TMEM151A: variants seen among roughly 807,000 people sequenced by gnomAD.
TMEM151A encodes the protein transmembrane protein 151A.
In TMEM151A, 21 loss-of-function variants were observed where a neutral mutation model predicts 33.7. That is an observed-to-expected ratio of 0.62 (90% confidence interval 0.44 to 0.90). The LOEUF (loss-of-function observed/expected upper bound fraction) is 0.90. Ranked by LOEUF, TMEM151A falls within the 40% of genes least tolerant of loss-of-function variation. The probability of loss-of-function intolerance (pLI) is 0.00; values close to 1 mark genes in which losing one functional copy is unlikely to be tolerated. For synonymous variants in TMEM151A, 374 were observed against 330.3 expected (o/e 1.13, Z -1.43); for missense variants, 704 against 697.7 (o/e 1.01, Z -0.10).
chr11:66,294,261 G>C, intron 1 of TMEM151A, 61 bp from the exon 2 acceptor site: 1 of 1,581,366 alleles, frequency 6.3e-7, no homozygotes, highest in African/African-American at 1.3e-5. Context: ...GTTAAGCAAA[G>C]TGGCAGGCCC....
Position 66,294,536 on chromosome 11 carries a change from G to A in TMEM151A, c.290G>A (p.Gly97Asp). Residue 97 changes from glycine (G) to aspartate (D), a missense_variant, in exon 2 of 2, where the codon GGC becomes GAC. By Grantham distance (94) the Gly-to-Asp change is moderately conservative (BLOSUM62 -1). Coordinates refer to ENST00000327259, the MANE Select transcript of TMEM151A (RefSeq NM_153266.4). The stretch of plus-strand genomic sequence containing the variant: ...TACCCGGCCAGCCCCTGCTCCGATG[G>A]CTACCTGTACATCCCGCTGGCCTTC... ...PTYPASPCSDGYLYIPLAFVS... is the reference protein window; with the variant it reads ...PTYPASPCSDDYLYIPLAFVS... 1.9e-6 allele frequency: 3 copies of A among 1,612,618 alleles called. No individual in the cohort carries two copies. Among genetic ancestry groups the A allele is most frequent in the South Asian group, 1.1e-5 (1 of 91,020 alleles).
chr11:66,295,479 C>A lies in TMEM151A; in HGVS notation c.1233C>A (p.Gly411=). 1 of 1,400,394 alleles carries A rather than the reference C, an allele frequency of 7.1e-7. No individual in the cohort carries two copies. Among genetic ancestry groups the A allele is most frequent in the Non-Finnish European group, 9.3e-7 (1 of 1,080,000 alleles). The allele number at this position is 1,400,394 out of a possible 1,614,324, so 86.7% of individuals were successfully genotyped here. ...GCAGCCGCCTCTCGCTGGGCGCTGG[C>A]GGCCGGGCCACGCCAGGGGTCTTCC... ...FSRSRLSLGA[G]GRATPGVFRS... The change falls in exon 2 of 2, where the codon GGC becomes GGA. Residue 411 remains glycine, a synonymous_variant. Transcript: ENST00000327259.
chr11:66,293,089 T>C (rs1241719729), intron 1 of TMEM151A, among the ~76,000 whole-genome samples: 1 of 152,080 alleles, frequency 6.6e-6, no homozygotes, highest in Non-Finnish European at 1.5e-5. Flanking sequence ...GTCTGGAGTT[T>C]CCTGGGTGAC....
At position 66,295,590 on chromosome 11, in the gene TMEM151A, C is replaced by T. The variant is rs1857511136; in HGVS notation, c.1344C>T (p.Tyr448=). ...CGCCCTGCTATGAGGACGCCCTCTA[C>T]TTCCCGGTGCTCATTGTCCACGGAG... is the stretch of plus-strand genomic sequence containing the variant. ...ESPPCYEDAL[Y]FPVLIVHGDS... The change falls in exon 2 of 2, where the codon TAC becomes TAT. Residue 448 remains tyrosine, a synonymous_variant. Transcript: ENST00000327259. 5.2e-6 allele frequency: 8 copies of T among 1,539,570 alleles called. No homozygotes were observed. In the East Asian group the frequency reaches 1.8e-4, roughly 35 times the overall value.
rs1857471806 is a variant in TMEM151A, at chr11:66,292,963, G to A, written c.75+875G>A. 2.6e-5 allele frequency among the ~76,000 whole-genome samples: 4 copies of A among 152,040 alleles called. No individual in the cohort carries two copies. On this transcript the variant is annotated intron_variant, in intron 1 of 1. Transcript: ENST00000327259. The surrounding 1 kb of genome is among the most constrained non-coding windows in gnomAD (Gnocchi z 4.7). The stretch of plus-strand genomic sequence containing the variant: ...CTCTGGGCTTCACTGCACGTGCAAC[G>A]TGTATGTGCACGTGTGTGTCCTGTG...
chr11:66,295,768 C>A lies in TMEM151A; in HGVS notation c.*115C>A, dbSNP rs1857514687. On this transcript the variant is annotated 3_prime_UTR_variant, in exon 2 of 2. Coordinates refer to ENST00000327259, the MANE Select transcript of TMEM151A (RefSeq NM_153266.4). ...AAACAGACCAGCCACACACAAGGGG[C>A]AGGGGTGAGGGTGGGGGTGGGGGTC... is the stretch of plus-strand genomic sequence containing the variant. 5.9e-6 allele frequency: 6 copies of A among 1,013,952 alleles called. No individual in the cohort carries two copies. Among genetic ancestry groups the A allele is most frequent in the South Asian group, 2.7e-5 (1 of 37,298 alleles). 62.8% of individuals were successfully genotyped at this position (1,013,952 alleles called of 1,614,324 possible).
At chr11:66,293,564 A>G (rs1325190443) in intron 1 of TMEM151A, among the ~76,000 whole-genome samples, 2 of 151,246 alleles carry the variant, frequency 1.3e-5, no homozygotes, top group African/African-American at 4.9e-5. Context: ...TCTGCTCCCC[A>G]CCCCAAGACT....
rs1857514268 is a variant in TMEM151A at position 66,295,741 on chromosome 11, G to A, written c.*88G>A. ...AGTGATTGTTGTCCAAAACAGGCGG[G>A]AAAACAGACCAGCCACACACAAGGG... On this transcript the variant is annotated 3_prime_UTR_variant, in exon 2 of 2. Coordinates refer to ENST00000327259, the MANE Select transcript of TMEM151A (RefSeq NM_153266.4). The A allele has an allele frequency of 8.6e-6, 10 of 1,158,232 alleles. No individual in the cohort carries two copies. The highest frequency in any genetic ancestry group is 1.1e-5 in the Non-Finnish European group (10 of 894,414). The allele number at this position is 1,158,232 out of a possible 1,614,324, so 71.7% of individuals were successfully genotyped here.
In TMEM151A at chr11:66,291,942, G is replaced by A. The variant is rs1346198830; in HGVS notation, c.-72G>A. The A allele has an allele frequency of 7.9e-7, 1 of 1,258,440 alleles. No homozygotes were observed. The highest frequency in any genetic ancestry group is 1.0e-6 in the Non-Finnish European group (1 of 952,696). The allele number at this position is 1,258,440 out of a possible 1,614,324, so 78.0% of individuals were successfully genotyped here. Reference sequence around the variant, plus strand: ...CCGAGCGGACGCCCCCGGGGGCCGCGTCGCAGCCCTCCGTGCTCCCCCCTA... The same window carrying A: ...CCGAGCGGACGCCCCCGGGGGCCGCATCGCAGCCCTCCGTGCTCCCCCCTA... On this transcript the variant is annotated 5_prime_UTR_variant, in exon 1 of 2. Transcript: ENST00000327259.
Position 66,295,218 on chromosome 11 carries a change from C to T in TMEM151A, c.972C>T (p.Pro324=). 1.9e-6 allele frequency: 3 copies of T among 1,569,458 alleles called. No individual in the cohort carries two copies. The highest frequency in any genetic ancestry group is 2.6e-6 in the Non-Finnish European group (3 of 1,158,434). Residue 324 remains proline (P), a synonymous_variant, in exon 2 of 2, where the codon CCC becomes CCT. Coordinates refer to ENST00000327259, the MANE Select transcript of TMEM151A (RefSeq NM_153266.4). ...QVEKLFGASS[P]PPGAVPSGPP... ...AGAAGCTCTTTGGCGCCAGCTCGCC[C>T]CCGCCGGGGGCCGTGCCCAGCGGGC...
Position 66,295,341 on chromosome 11 carries a change from C to T in TMEM151A, c.1095C>T (p.Val365=). The change falls in exon 2 of 2, where the codon GTC becomes GTT. Residue 365 remains valine (V), a synonymous_variant. Coordinates refer to ENST00000327259, the MANE Select transcript of TMEM151A (RefSeq NM_153266.4). ...QLVPSYSEAV[V]MGAGSGAYLR... ...TGCCCAGCTACTCGGAGGCCGTGGT[C>T]ATGGGCGCGGGCTCGGGCGCCTACC... 2 of 1,586,574 alleles carry T rather than the reference C, an allele frequency of 1.3e-6. No homozygotes were observed. The highest frequency in any genetic ancestry group is 1.1e-5 in the South Asian group (1 of 87,546).
rs1857462838 is a variant in TMEM151A, at chr11:66,292,197, G to A, written c.75+109G>A. 4 of 958,988 alleles carry A rather than the reference G, an allele frequency of 4.2e-6. No individual in the cohort carries two copies. Among genetic ancestry groups the A allele is most frequent in the Admixed American group, 4.1e-5 (1 of 24,236 alleles). The allele number at this position is 958,988 out of a possible 1,614,324, so 59.4% of individuals were successfully genotyped here. A position where few individuals can be genotyped will look rare whatever the true frequency, so the allele number is the denominator to read the frequency against. ...AGGAGGGAAGTCCCAGAGCCCCTACGGCCAATGACGTCATTGGGGTCACCT... is the reference window on the plus strand; with the variant it reads ...AGGAGGGAAGTCCCAGAGCCCCTACAGCCAATGACGTCATTGGGGTCACCT... On this transcript the variant is annotated intron_variant, in intron 1 of 1. Transcript: ENST00000327259. The surrounding 1 kb of genome is among the most constrained non-coding windows in gnomAD (Gnocchi z 4.7).
Position 66,292,106 on chromosome 11 carries a change from G to T in TMEM151A, c.75+18G>T. Reference sequence around the variant, plus strand: ...GGGAAGAGGTACCGGCGCTGGGGGGGCCGGAGCCGGGCCTGGGGCGGCGTG... The same window carrying T: ...GGGAAGAGGTACCGGCGCTGGGGGGTCCGGAGCCGGGCCTGGGGCGGCGTG... On this transcript the variant is annotated intron_variant, in intron 1 of 1. Transcript: ENST00000327259. This position sits in a 1 kb window ranked among gnomAD's most constrained non-coding sequence, Gnocchi z 4.7. The T allele has an allele frequency of 2.8e-6, 4 of 1,431,870 alleles. No individual in the cohort carries two copies. The highest frequency in any genetic ancestry group is 2.9e-5 in the East Asian group (1 of 34,206). The allele number at this position is 1,431,870 out of a possible 1,614,324, so 88.7% of individuals were successfully genotyped here.
In TMEM151A at chr11:66,294,834, G is replaced by T. The variant is rs549115646; in HGVS notation, c.588G>T (p.Ser196=). 1.2e-5 allele frequency: 19 copies of T among 1,539,380 alleles called. No individual in the cohort carries two copies. In the African/African-American group the frequency reaches 1.4e-4, roughly 11 times the overall value. ...SRTARGEFDY[S]AHGVRDVSKE... The stretch of plus-strand genomic sequence containing the variant: ...CGGCCCGCGGCGAGTTTGACTACTC[G>T]GCGCACGGCGTCCGCGACGTCTCCA... The change falls in exon 2 of 2, where the codon TCG becomes TCT. Residue 196 remains serine (S), a synonymous_variant. Transcript: ENST00000327259.
intron 1 of TMEM151A, among the ~76,000 whole-genome samples, chr11:66,293,735 A>T (rs971273407): frequency 1.3e-5 from 2 of 152,172 alleles, no homozygotes; most frequent in African/African-American, 4.8e-5. Flanking sequence ...CTTCACACAT[A>T]TGATCTTGTT....
chr11:66,291,970 A>C lies in TMEM151A; in HGVS notation c.-44A>C. On this transcript the variant is annotated 5_prime_UTR_variant, in exon 1 of 2. An upstream start codon of the reference 5' UTR is lost. Coordinates refer to ENST00000327259, the MANE Select transcript of TMEM151A (RefSeq NM_153266.4). ...GCAGCCCTCCGTGCTCCCCCCTATC[A>C]TGCCCGGTGCCCAGGCTGGGGCCGC... 6.8e-7 allele frequency: 1 copy of C among 1,478,606 alleles called. No individual in the cohort carries two copies. Among genetic ancestry groups the C allele is most frequent in the South Asian group, 1.2e-5 (1 of 80,300 alleles). The allele number at this position is 1,478,606 out of a possible 1,614,324, so 91.6% of individuals were successfully genotyped here.
rs1267314043 is a variant in TMEM151A, at chr11:66,295,313, T to C, written c.1067T>C (p.Leu356Pro). 6.3e-7 allele frequency: 1 copy of C among 1,587,094 alleles called. No individual in the cohort carries two copies. Among genetic ancestry groups the C allele is most frequent in the South Asian group, 1.1e-5 (1 of 87,650 alleles). ...LEWHICSNRQ[L>P]VPSYSEAVVM... Reference sequence around the variant, plus strand: ...TGGCACATCTGCTCCAACCGGCAGCTGGTGCCCAGCTACTCGGAGGCCGTG... The same window carrying C: ...TGGCACATCTGCTCCAACCGGCAGCCGGTGCCCAGCTACTCGGAGGCCGTG... Residue 356 changes from leucine to proline, a missense_variant, in exon 2 of 2, where the codon CTG becomes CCG. Physicochemically the swap from Leu to Pro is moderately conservative, Grantham distance 98. Coordinates refer to ENST00000327259, the MANE Select transcript of TMEM151A (RefSeq NM_153266.4).
At position 66,294,796 on chromosome 11, in the gene TMEM151A, G is replaced by T. The variant is rs763236564; in HGVS notation, c.550G>T (p.Ala184Ser). The T allele has an allele frequency of 1.3e-6, 2 of 1,543,662 alleles. No individual in the cohort carries two copies. The highest frequency in any genetic ancestry group is 1.4e-5 in the African/African-American group (1 of 73,182). ...YTTTQVYHER[A>S]DSRTARGEFD... ...CACCACGCAGGTGTACCATGAGCGCGCTGACAGCCGCACGGCCCGCGGCGA... is the reference window on the plus strand; with the variant it reads ...CACCACGCAGGTGTACCATGAGCGCTCTGACAGCCGCACGGCCCGCGGCGA... Residue 184 changes from alanine (A) to serine (S), a missense_variant, in exon 2 of 2, where the codon GCT (alanine) becomes TCT (serine). This residue lies in a region of TMEM151A where 301 missense variants were observed against 323.4 expected (regional missense o/e 0.93). Coordinates refer to ENST00000327259, the MANE Select transcript of TMEM151A (RefSeq NM_153266.4).
chr11:66,292,161 G>A lies in TMEM151A; in HGVS notation c.75+73G>A, dbSNP rs932149732. ...GGACCAGTGCAAAAGGCGACCCCAA[G>A]AGAGGGGCTGAGGAGGGAAGTCCCA... is the stretch of plus-strand genomic sequence containing the variant. On this transcript the variant is annotated intron_variant, in intron 1 of 1. Coordinates refer to ENST00000327259, the MANE Select transcript of TMEM151A (RefSeq NM_153266.4). The surrounding 1 kb of genome is among the most constrained non-coding windows in gnomAD (Gnocchi z 4.7). The A allele has an allele frequency of 1.2e-5, 15 of 1,250,088 alleles. No homozygotes were observed. The highest frequency in any genetic ancestry group is 2.9e-4 in the Middle Eastern group (1 of 3,442). The allele number at this position is 1,250,088 out of a possible 1,614,324, so 77.4% of individuals were successfully genotyped here. A position where few individuals can be genotyped will look rare whatever the true frequency, so the allele number is the denominator to read the frequency against.
Sources: gnomAD v4.1 joint callset for allele counts (sites outside exome capture counted in the v4.1 genomes callset) on GRCh38, gnomAD v4.1.1 for gene constraint, gnomAD v4.1.1 regional missense constraint, Gnocchi (gnomAD v3.1) non-coding constraint, MANE v1.5 for transcripts, NCBI Gene and HGNC (gene_info 2026-07-23, HGNC 2026-07-21) for gene names.